Variants in USP13 observed in about 807,000 individuals in gnomAD.
USP13 encodes the protein ubiquitin specific peptidase 13.
In USP13, 68 loss-of-function variants were observed where a neutral mutation model predicts 107.8. That is an observed-to-expected ratio of 0.63 (90% CI 0.52 to 0.77). USP13 has a LOEUF of 0.77. Among genes scored for constraint, USP13 ranks in the 30% least tolerant of loss-of-function variants. The pLI is 0.00. For missense variants in USP13, 945 were observed against 1,093.3 expected, an observed-to-expected ratio of 0.86 and a Z score of 1.91; for synonymous variants, 377 against 389.5, an observed-to-expected ratio of 0.97 and a Z score of 0.38.
At chr3:179,766,036 G>A (rs1715164832) in intron 19 of USP13, among the ~76,000 whole-genome samples, 188 bp downstream of exon 19, 1 of 149,970 alleles carries the variant, frequency 6.7e-6, no homozygotes, top group Non-Finnish European at 1.5e-5. Flanking sequence ...CTGGTGTGCT[G>A]TGGCGCGATC....
intron 13 of USP13, among the ~76,000 whole-genome samples, chr3:179,745,517 T>TTC (rs1560072305): frequency 2.2e-5 from 3 of 139,436 alleles, no homozygotes; most frequent in African/African-American, 8.9e-5. Flanking sequence ...TTCCTTCCTT[T>TTC]CTTTCTTCCT....
rs766116674 is a variant in USP13, at chr3:179,730,143, T to G, written c.1089-46T>G. The G allele has an allele frequency of 3.9e-6, 6 of 1,536,438 alleles. No homozygotes were observed. In the South Asian group the frequency reaches 7.0e-5, roughly 18 times the overall value. On this transcript the variant is annotated intron_variant, in intron 8 of 20. Transcript: ENST00000263966. ...TTTTGATGGCTTGTTTTGGTTCTGT[T>G]CTTCTTGCAGTTGCTATGTTTTAAC...
chr3:179,681,037 C>G (rs1268905374), intron 1 of USP13, among the ~76,000 whole-genome samples: 1 of 152,132 alleles, frequency 6.6e-6, no homozygotes, highest in African/African-American at 2.4e-5. Flanking sequence ...TCTTCCTTTG[C>G]TCTATTGTCA....
intron 17 of USP13, 65 bp downstream of exon 17, chr3:179,761,320 G>A: frequency 6.3e-7 from 1 of 1,587,858 alleles, no homozygotes. Flanking sequence ...CTGAGTCCTG[G>A]TCCTTCCAAG....
At chr3:179,708,213 A>G (rs1712791819) in intron 5 of USP13, among the ~76,000 whole-genome samples, 1 of 152,188 alleles carries the variant, frequency 6.6e-6, no homozygotes, top group Admixed American at 6.5e-5. Context: ...TTTCGAAAGT[A>G]AAAAAGCCAC....
At chr3:179,656,363 G>C (rs1211702348) in intron 1 of USP13, among the ~76,000 whole-genome samples, 1 of 152,190 alleles carries the variant, frequency 6.6e-6, no homozygotes, top group African/African-American at 2.4e-5. Context: ...AGTGGTGTTG[G>C]AGGAAGATTG....
chr3:179,765,743 T>C lies in USP13; in HGVS notation c.2308T>C (p.Phe770Leu), dbSNP rs1269635217. Reference sequence around the variant, plus strand: ...GGATTGGATCTTTAGCCACCCTGAGTTTGAAGAAGACAGTGATTTTGTGAT... The same window carrying C: ...GGATTGGATCTTTAGCCACCCTGAGCTTGAAGAAGACAGTGATTTTGTGAT... ...ALDWIFSHPE[F>L]EEDSDFVIEM... The change falls in exon 19 of 21, where the codon TTT becomes CTT. Residue 770 changes from phenylalanine (F) to leucine (L), a missense_variant. Physicochemically the swap from Phe to Leu is conservative, Grantham distance 22. Coordinates refer to ENST00000263966, the MANE Select transcript of USP13 (RefSeq NM_003940.3). The C allele has an allele frequency of 6.2e-7, 1 of 1,614,080 alleles. No homozygotes were observed. The highest frequency in any genetic ancestry group is 1.3e-5 in the African/African-American group (1 of 74,948).
intron 1 of USP13, among the ~76,000 whole-genome samples, chr3:179,657,762 C>CAAAAAAAA (rs35377039): frequency 5.4e-5 from 4 of 73,822 alleles, no homozygotes; most frequent in African/African-American, 1.6e-4. Context: ...AATTCCGTCT[C>CAAAAAAAA]AAAAAAAAAA....
At chr3:179,760,625 C>T (rs534680192) in intron 16 of USP13, among the ~76,000 whole-genome samples, 2 of 150,120 alleles carry the variant, frequency 1.3e-5, no homozygotes, top group East Asian at 3.9e-4. Flanking sequence ...CGAACTTTTT[C>T]CTTCTATACT....
intron 1 of USP13, among the ~76,000 whole-genome samples, chr3:179,658,561 G>A (rs1720359258): frequency 6.6e-6 from 1 of 152,206 alleles, no homozygotes; most frequent in Admixed American, 6.5e-5. Flanking sequence ...AACAGAAGTG[G>A]AATTATGAGC....
Position 179,653,876 on chromosome 3 carries a change from C to G in USP13, c.168+483C>G, listed in dbSNP as rs990552462. 1 of 153,120 alleles carries G rather than the reference C, an allele frequency of 6.5e-6. No homozygotes were observed. The highest frequency in any genetic ancestry group is 2.4e-5 in the African/African-American group (1 of 41,436). The allele number at this position is 153,120 out of a possible 1,614,324, so 9.5% of individuals were successfully genotyped here. A position where few individuals can be genotyped will look rare whatever the true frequency, so the allele number is the denominator to read the frequency against. On this transcript the variant is annotated intron_variant, in intron 1 of 20. Coordinates refer to ENST00000263966, the MANE Select transcript of USP13 (RefSeq NM_003940.3). The surrounding 1 kb of genome is among the most constrained non-coding windows in gnomAD (Gnocchi z 4.0). ...CTGATTTGCTCTCTGAGCTTTTCTT[C>G]CACCAGTTCCCATTTCACCCCACTC...
At chr3:179,719,352 C>T (rs544482282) in intron 6 of USP13, among the ~76,000 whole-genome samples, 16 of 152,184 alleles carry the variant, frequency 1.1e-4, no homozygotes, top group African/African-American at 3.9e-4. Flanking sequence ...ACAGATCTCT[C>T]GCTGGTTCTG....
intron 4 of USP13, among the ~76,000 whole-genome samples, chr3:179,706,141 G>A (rs570875623): frequency 5.9e-5 from 9 of 152,296 alleles, no homozygotes; most frequent in East Asian, 1.9e-4. Flanking sequence ...TGGGTCATGC[G>A]ATAACTCTGT....
At position 179,658,977 on chromosome 3, in the gene USP13, G is replaced by A. The variant is rs577599310; in HGVS notation, c.168+5584G>A. ...ATACAGTGGCTGAACCAAAAAGGTG[G>A]CCGGAGGGGATATGATACTCAGCAT... On this transcript the variant is annotated intron_variant, in intron 1 of 20. Transcript: ENST00000263966. Among the ~76,000 whole-genome samples, 28 of 152,336 alleles carry A rather than the reference G, an allele frequency of 1.8e-4. No individual in the cohort carries two copies. The South Asian group carries it at 4.8e-3, about 26-fold the overall frequency.
intron 11 of USP13, among the ~76,000 whole-genome samples, chr3:179,741,175 G>A (rs1484946175): frequency 6.6e-6 from 1 of 151,824 alleles, no homozygotes; most frequent in African/African-American, 2.4e-5. Flanking sequence ...GCCACGCCCT[G>A]CAGCCAGCCA....
intron 8 of USP13, among the ~76,000 whole-genome samples, chr3:179,722,973 G>A (rs1038057861): frequency 3.3e-5 from 5 of 152,196 alleles, no homozygotes; most frequent in Non-Finnish European, 7.3e-5. Context: ...AGGACAGGGA[G>A]CTATAGAGCC....
intron 1 of USP13, among the ~76,000 whole-genome samples, chr3:179,679,346 A>G (rs1477593518): frequency 6.6e-6 from 1 of 152,210 alleles, no homozygotes; most frequent in Non-Finnish European, 1.5e-5. Context: ...TATATTTGTA[A>G]TAAACATCAA....
At chr3:179,757,611 G>T (rs9867505) in intron 16 of USP13, among the ~76,000 whole-genome samples, 6,923 of 152,052 alleles carry the variant, frequency 0.046, 533 homozygotes, top group African/African-American at 0.16. Flanking sequence ...TTTCTACAAA[G>T]AACATAAAAA....
chr3:179,688,320 G>C (rs1262931791), intron 2 of USP13, among the ~76,000 whole-genome samples: 1 of 152,074 alleles, frequency 6.6e-6, no homozygotes, highest in Admixed American at 6.6e-5. Context: ...TTCCTCAAAT[G>C]AACTGCTCAT....
Sources: gnomAD v4.1 joint callset for allele counts (sites outside exome capture counted in the v4.1 genomes callset) on GRCh38, gnomAD v4.1.1 for gene constraint, Gnocchi (gnomAD v3.1) non-coding constraint, MANE v1.5 for transcripts, NCBI Gene and HGNC (gene_info 2026-07-23, HGNC 2026-07-21) for gene names.